ANGPT1: variants seen among roughly 807,000 people sequenced by gnomAD.
ANGPT1 encodes angiopoietin 1.
A neutral mutation model predicts 62.2 loss-of-function variants in ANGPT1; 17 were observed. The observed-to-expected ratio is 0.27, with a 90% confidence interval of 0.19 to 0.41. The LOEUF (loss-of-function observed/expected upper bound fraction) is 0.41, where lower values mean the gene tolerates loss of function less well. ANGPT1 is among the 10% of genes least tolerant of loss of function. The probability of loss-of-function intolerance (pLI) is 1.00; values close to 1 mark genes in which losing one functional copy is unlikely to be tolerated. For missense variants in ANGPT1, 478 were observed against 594.9 expected (o/e 0.80, Z 2.04); for synonymous variants, 199 against 198.9 (o/e 1.00, Z 0.00).
intron 1 of ANGPT1, among the ~76,000 whole-genome samples, chr8:107,372,647 A>G (rs1816439604): frequency 6.6e-6 from 1 of 152,038 alleles, no homozygotes; most frequent in African/African-American, 2.4e-5. Context: ...CTCCTTAAAG[A>G]CCATGGCCCA....
chr8:107,321,073 C>A (rs933045833), intron 4 of ANGPT1, among the ~76,000 whole-genome samples: 4 of 152,068 alleles, frequency 2.6e-5, no homozygotes, highest in African/African-American at 9.7e-5. Context: ...AAGATGACTT[C>A]AAGTTCCAAA....
chr8:107,317,462 G>A (rs1049675879), intron 4 of ANGPT1, among the ~76,000 whole-genome samples: 2 of 152,012 alleles, frequency 1.3e-5, no homozygotes, highest in African/African-American at 2.4e-5. Context: ...TTATAATACA[G>A]TCTAAATACT....
chr8:107,497,147 G>A lies in ANGPT1; in HGVS notation c.297+115C>T. ...CAGCCGTCTTGCAATTGCAAACACTGCCCCCCTGGAGCAAAAGGTAAATAC... is the reference window on the plus strand; with the variant it reads ...CAGCCGTCTTGCAATTGCAAACACTACCCCCCTGGAGCAAAAGGTAAATAC... On this transcript the variant is annotated intron_variant, in intron 1 of 8. Transcript: ENST00000517746. 3.2e-6 allele frequency: 4 copies of A among 1,235,170 alleles called. No homozygotes were observed. In the South Asian group the frequency reaches 6.0e-5, roughly 19 times the overall value. The allele number at this position is 1,235,170 out of a possible 1,614,324, so 76.5% of individuals were successfully genotyped here.
intron 1 of ANGPT1, among the ~76,000 whole-genome samples, chr8:107,396,956 G>C (rs1358897436): frequency 6.6e-6 from 1 of 152,100 alleles, no homozygotes; most frequent in Non-Finnish European, 1.5e-5. Flanking sequence ...TAGTAGTGAG[G>C]ATGTTCAGTA....
chr8:107,382,641 G>T (rs1816661486), intron 1 of ANGPT1, among the ~76,000 whole-genome samples: 1 of 149,962 alleles, frequency 6.7e-6, no homozygotes, highest in African/African-American at 2.4e-5. Context: ...ACACAGAGCT[G>T]GGAAAAAAAA....
At chr8:107,335,779 A>G (rs1453008019) in intron 3 of ANGPT1, among the ~76,000 whole-genome samples, 1 of 152,204 alleles carries the variant, frequency 6.6e-6, no homozygotes, top group Non-Finnish European at 1.5e-5. Context: ...GTAGGAATTT[A>G]AGAGGCTCTA....
Position 107,468,191 on chromosome 8 carries a change from G to A in ANGPT1, c.297+29071C>T, listed in dbSNP as rs138446899. Among the ~76,000 whole-genome samples, 575 of 152,108 alleles carry A rather than the reference G, an allele frequency of 3.8e-3. 5 individuals are homozygous for A. Among genetic ancestry groups the A allele is most frequent in the African/African-American group, 0.013 (550 of 41,526 alleles). ...AAGCCAAGGTGAACTGTTACGAACA[G>A]AATCTACAGAAATAAAGTATTCTGT... On this transcript the variant is annotated intron_variant, in intron 1 of 8. Transcript: ENST00000517746.
chr8:107,253,494 CT>C (rs1813292282), intron 8 of ANGPT1, among the ~76,000 whole-genome samples: 2 of 152,246 alleles, frequency 1.3e-5, no homozygotes, highest in South Asian at 4.1e-4. Flanking sequence ...CTGTTTTTAA[CT>C]TTTCTCCTCC....
intron 1 of ANGPT1, among the ~76,000 whole-genome samples, chr8:107,400,761 T>C (rs1033178777): frequency 6.6e-6 from 1 of 152,080 alleles, no homozygotes; most frequent in Non-Finnish European, 1.5e-5. Flanking sequence ...GTTTTCACCA[T>C]ATTGGTCAGG....
At position 107,345,419 on chromosome 8, in the gene ANGPT1, T is replaced by A. The variant is rs73702005; in HGVS notation, c.453+1523A>T. 9.2e-3 allele frequency among the ~76,000 whole-genome samples: 1,386 copies of A among 151,408 alleles called. 24 individuals are homozygous for A. The highest frequency in any genetic ancestry group is 0.027 in the African/African-American group (1,119 of 41,334). ...AGATTAACGTGCTAACAATGGGACA[T>A]TTTTTTTTCCCACAACTCCAACTGC... On this transcript the variant is annotated intron_variant, in intron 2 of 8. Coordinates refer to ENST00000517746, the MANE Select transcript of ANGPT1 (RefSeq NM_001146.5).
At chr8:107,473,637 G>C (rs1001849152) in intron 1 of ANGPT1, among the ~76,000 whole-genome samples, 1 of 152,002 alleles carries the variant, frequency 6.6e-6, no homozygotes, top group Non-Finnish European at 1.5e-5. Flanking sequence ...AATTCTGAAG[G>C]ATCAAACAGA....
chr8:107,408,859 A>G (rs536092277), intron 1 of ANGPT1, among the ~76,000 whole-genome samples: 5 of 152,156 alleles, frequency 3.3e-5, no homozygotes, highest in Non-Finnish European at 7.4e-5. Flanking sequence ...AGGTAAGATT[A>G]TTTTCTGTTT....
chr8:107,415,344 G>A (rs544450811), intron 1 of ANGPT1, among the ~76,000 whole-genome samples: 6 of 152,222 alleles, frequency 3.9e-5, no homozygotes, highest in African/African-American at 1.4e-4. Flanking sequence ...TGTATTTTGA[G>A]TCAACTAAGA....
At chr8:107,397,703 C>A (rs1283663) in intron 1 of ANGPT1, among the ~76,000 whole-genome samples, 119,240 of 151,942 alleles carry the variant, frequency 0.78, 46,928 homozygotes, top group East Asian at 0.91. Flanking sequence ...CAAGTCAACT[C>A]TTCATACTGG....
intron 4 of ANGPT1, among the ~76,000 whole-genome samples, chr8:107,315,997 C>A (rs1421351609): frequency 6.6e-6 from 1 of 152,136 alleles, no homozygotes; most frequent in Non-Finnish European, 1.5e-5. Context: ...GTCAAAATAT[C>A]CCAAACTAAA....
chr8:107,354,604 A>G (rs571130958), intron 1 of ANGPT1, among the ~76,000 whole-genome samples: 91 of 152,260 alleles, frequency 6.0e-4, no homozygotes, highest in Non-Finnish European at 8.4e-4. Flanking sequence ...TATAACATAC[A>G]TATCCTTAAT....
chr8:107,342,552 C>G (rs1305952938), intron 2 of ANGPT1, among the ~76,000 whole-genome samples: 2 of 152,080 alleles, frequency 1.3e-5, no homozygotes, highest in Non-Finnish European at 2.9e-5. Flanking sequence ...TGAATGAGTG[C>G]AGCTGTGTCC....
At chr8:107,335,064 G>A (rs538399512) in intron 3 of ANGPT1, among the ~76,000 whole-genome samples, 1 of 152,308 alleles carries the variant, frequency 6.6e-6, no homozygotes, top group African/African-American at 2.4e-5. Context: ...TTAGCATGAA[G>A]TTGGGAAATT....
At chr8:107,435,332 A>C (rs1013944371) in intron 1 of ANGPT1, among the ~76,000 whole-genome samples, 3 of 152,256 alleles carry the variant, frequency 2.0e-5, no homozygotes, top group Non-Finnish European at 4.4e-5. Flanking sequence ...TAAATGAGAC[A>C]GTAAATCTTG....
Sources: allele counts gnomAD v4.1 joint callset (sites outside exome capture counted in the v4.1 genomes callset), GRCh38; gene constraint gnomAD v4.1.1; transcripts MANE v1.5; gene names NCBI Gene and HGNC (gene_info 2026-07-23, HGNC 2026-07-21).